The following MEGF11 variants were observed in gnomAD, a reference collection of about 807,000 sequenced individuals.
The protein encoded by MEGF11 is multiple EGF like domains 11.
MEGF11 carries 126 observed loss-of-function variants against 146.6 expected under a neutral mutation model. The ratio of observed to expected loss-of-function variants is 0.86; its 90% CI spans 0.74 to 1.00. The LOEUF (loss-of-function observed/expected upper bound fraction) is 1.00, where lower values mean the gene tolerates loss of function less well. Among genes scored for constraint, MEGF11 ranks in the 50% least tolerant of loss-of-function variants. The pLI is 0.00. For missense variants in MEGF11, 1,509 were observed against 1,521.2 expected (o/e 0.99, Z 0.13); for synonymous variants, 532 against 583.4 (o/e 0.91, Z 1.27).
Position 65,913,783 on chromosome 15 carries a change from G to T in MEGF11, c.2664C>A (p.Ser888=). The T allele has an allele frequency of 6.2e-7, 1 of 1,613,618 alleles. No individual in the cohort carries two copies. The highest frequency in any genetic ancestry group is 2.2e-5 in the East Asian group (1 of 44,858). Residue 888 remains serine (S), a synonymous_variant, in exon 20 of 26, where the codon TCC becomes TCA. Coordinates refer to ENST00000395614, the MANE Select transcript of MEGF11 (RefSeq NM_001385028.1). ...TGGTCATCCTCATGGCAGGTGTGTA[G>T]GAGACACGGGGAGCCAGGTCTCGGC... is the stretch of plus-strand genomic sequence containing the variant. ...EKGRDLAPRV[S]YTPAMRMTST...
At chr15:65,905,705 C>T (rs1264061606) in intron 24 of MEGF11, 4 of 167,906 alleles carry the variant, frequency 2.4e-5, no homozygotes, top group Non-Finnish European at 2.5e-5. Context: ...GGGTGGCATT[C>T]CTTGCTAGTG....
intron 4 of MEGF11, among the ~76,000 whole-genome samples, chr15:66,096,830 C>T (rs1470526470): frequency 6.6e-6 from 1 of 152,178 alleles, no homozygotes; most frequent in South Asian, 2.1e-4. Context: ...GGGGAACAGC[C>T]TTCCGGTGCT....
intron 1 of MEGF11, among the ~76,000 whole-genome samples, chr15:66,246,213 C>T (rs753937565): frequency 1.3e-5 from 2 of 152,134 alleles, no homozygotes; most frequent in African/African-American, 2.4e-5. Flanking sequence ...GCAGAGATCA[C>T]GCCATTGCTC....
At chr15:66,126,656 C>T (rs749588794) in intron 2 of MEGF11, among the ~76,000 whole-genome samples, 3 of 152,208 alleles carry the variant, frequency 2.0e-5, no homozygotes, top group Non-Finnish European at 4.4e-5. Context: ...AGGAGGCACT[C>T]GAGGGGCTGT....
chr15:66,250,727 C>A (rs970962554), intron 1 of MEGF11, among the ~76,000 whole-genome samples: 2 of 152,008 alleles, frequency 1.3e-5, no homozygotes, highest in African/African-American at 4.8e-5. Context: ...GCCAACATGG[C>A]AAATCCCCAT....
At chr15:66,187,317 G>C (rs557431901) in intron 1 of MEGF11, among the ~76,000 whole-genome samples, 46 of 152,312 alleles carry the variant, frequency 3.0e-4, no homozygotes, top group Middle Eastern at 3.4e-3. Context: ...CTCTGTGAAA[G>C]GACAGAAAGA....
chr15:65,943,070 A>G (rs1490068280), intron 10 of MEGF11, among the ~76,000 whole-genome samples: 1 of 122,304 alleles, frequency 8.2e-6, no homozygotes, highest in Non-Finnish European at 1.6e-5. Flanking sequence ...CACTGCAACC[A>G]CCGCCCCCCG....
At chr15:66,237,270 G>A (rs148745724) in intron 1 of MEGF11, among the ~76,000 whole-genome samples, 169 of 152,260 alleles carry the variant, frequency 1.1e-3, no homozygotes, top group African/African-American at 3.8e-3. Context: ...ATCGGCCAGA[G>A]AAGGTGTGTG....
intron 24 of MEGF11, 134 bp from the exon 25 acceptor site, chr15:65,899,068 T>A: frequency 1.2e-6 from 1 of 832,498 alleles, no homozygotes; most frequent in Non-Finnish European, 1.8e-6. Flanking sequence ...CCAAGATTTA[T>A]TTACTTATTA....
At chr15:66,150,105 C>T (rs182357012) in intron 1 of MEGF11, among the ~76,000 whole-genome samples, 21 of 152,336 alleles carry the variant, frequency 1.4e-4, no homozygotes, top group African/African-American at 2.6e-4. Context: ...ACATCCCAGC[C>T]GGCTCCCCCT....
chr15:66,209,073 C>T (rs539556075), intron 1 of MEGF11, among the ~76,000 whole-genome samples: 7 of 151,938 alleles, frequency 4.6e-5, no homozygotes, highest in South Asian at 2.1e-4. Context: ...ACATGCAGGC[C>T]GGGCACGGTG....
chr15:66,088,481 G>C (rs1048741855), intron 5 of MEGF11, among the ~76,000 whole-genome samples: 1 of 152,110 alleles, frequency 6.6e-6, no homozygotes, highest in African/African-American at 2.4e-5. Flanking sequence ...GTGAAACCCC[G>C]TCTCTACTAA....
chr15:65,954,820 C>G (rs1018503006), intron 10 of MEGF11, among the ~76,000 whole-genome samples: 1 of 152,176 alleles, frequency 6.6e-6, no homozygotes, highest in Non-Finnish European at 1.5e-5. Flanking sequence ...CCAGTTTTCC[C>G]TTGTTCTGAG....
chr15:65,961,333 A>T (rs2080850671), intron 9 of MEGF11, among the ~76,000 whole-genome samples: 2 of 152,212 alleles, frequency 1.3e-5, no homozygotes, highest in Non-Finnish European at 2.9e-5. Context: ...ATCACAAGTT[A>T]ATAGGAACCA....
At chr15:65,911,508 T>G (rs974470943) in intron 21 of MEGF11, among the ~76,000 whole-genome samples, 5 of 152,094 alleles carry the variant, frequency 3.3e-5, no homozygotes, top group Non-Finnish European at 7.4e-5. Context: ...ACCTCCTGGG[T>G]TCAAGCGATC....
In MEGF11 at chr15:65,917,028, G is replaced by T. The variant is rs905945441; in HGVS notation, c.2087-72C>A. The T allele has an allele frequency of 2.8e-6, 4 of 1,413,962 alleles. No homozygotes were observed. In the East Asian group the frequency reaches 8.1e-5, roughly 28 times the overall value. The allele number at this position is 1,413,962 out of a possible 1,614,324, so 87.6% of individuals were successfully genotyped here. On this transcript the variant is annotated intron_variant, in intron 16 of 25. Coordinates refer to ENST00000395614, the MANE Select transcript of MEGF11 (RefSeq NM_001385028.1). ...GCAGACGGAGAGGGAGAAGAAGGGG[G>T]AGTACATGTCAGAGCCAAGATGCCA...
At chr15:66,002,833 G>A (rs530355566) in intron 5 of MEGF11, among the ~76,000 whole-genome samples, 3 of 152,262 alleles carry the variant, frequency 2.0e-5, no homozygotes, top group South Asian at 2.1e-4. Context: ...TATTAGAACT[G>A]CAGAACCTGA....
At chr15:66,086,721 A>G (rs941664930) in intron 5 of MEGF11, among the ~76,000 whole-genome samples, 2 of 152,246 alleles carry the variant, frequency 1.3e-5, no homozygotes, top group Non-Finnish European at 2.9e-5. Flanking sequence ...TAAAGTATAA[A>G]TCACACAGGA....
At chr15:66,253,420 C>T (rs2092404103) in intron 1 of MEGF11, among the ~76,000 whole-genome samples, 185 bp downstream of exon 1, 1 of 152,184 alleles carries the variant, frequency 6.6e-6, no homozygotes, top group South Asian at 2.1e-4. Flanking sequence ...CACCTACTCC[C>T]GGAGCCAAAC....
Sources: gnomAD v4.1 joint callset for allele counts (sites outside exome capture counted in the v4.1 genomes callset) on GRCh38, gnomAD v4.1.1 for gene constraint, MANE v1.5 for transcripts, NCBI Gene and HGNC (gene_info 2026-07-23, HGNC 2026-07-21) for gene names.